SORCS2: variants seen among roughly 807,000 people sequenced by gnomAD.
SORCS2 encodes the protein sortilin related VPS10 domain containing receptor 2, also known as VPS10 domain-containing receptor SorCS2.
A neutral mutation model predicts 141.6 loss-of-function variants in SORCS2; 100 were observed. That is an observed-to-expected ratio of 0.71 (90% CI 0.60 to 0.83). The LOEUF (loss-of-function observed/expected upper bound fraction) is 0.83, where lower values mean the gene tolerates loss of function less well. Among genes scored for constraint, SORCS2 ranks in the 40% least tolerant of loss-of-function variants. The pLI is 0.00. For missense variants in SORCS2, 1,646 were observed against 1,560.2 expected (o/e 1.05, Z -0.93); for synonymous variants, 789 against 676.9 (o/e 1.17, Z -2.57).
intron 1 of SORCS2, among the ~76,000 whole-genome samples, chr4:7,395,116 T>C (rs527746436): frequency 6.6e-6 from 1 of 152,340 alleles, no homozygotes; most frequent in East Asian, 1.9e-4. Context: ...AGGCCTCGCT[T>C]TTTTAAATCA....
intron 26 of SORCS2, 63 bp from the exon 27 acceptor site, chr4:7,740,137 C>A: frequency 6.9e-7 from 1 of 1,441,006 alleles, no homozygotes; most frequent in Non-Finnish European, 9.5e-7. Context: ...ACCGTGTCCC[C>A]TGTGGCCCTG....
intron 5 of SORCS2, among the ~76,000 whole-genome samples, chr4:7,657,094 A>G (rs1179323902): frequency 6.6e-6 from 1 of 152,218 alleles, no homozygotes; most frequent in African/African-American, 2.4e-5. Flanking sequence ...AAAACCTATG[A>G]CTGAGGGGCC....
chr4:7,417,289 G>A (rs753235774), intron 2 of SORCS2, among the ~76,000 whole-genome samples: 1 of 152,156 alleles, frequency 6.6e-6, no homozygotes, highest in Non-Finnish European at 1.5e-5. Context: ...CTGAGAGATG[G>A]CAGCGCCAGG....
chr4:7,724,998 AGTG>A (rs988184230), intron 19 of SORCS2, among the ~76,000 whole-genome samples, 153 bp from the exon 20 acceptor site: 38 of 118,358 alleles, frequency 3.2e-4, no homozygotes, highest in Non-Finnish European at 3.5e-4. Flanking sequence ...TGGTGGTAGT[AGTG>A]GTGATGGTGG....
At chr4:7,333,440 T>C (rs1326481453) in intron 1 of SORCS2, among the ~76,000 whole-genome samples, 1 of 152,186 alleles carries the variant, frequency 6.6e-6, no homozygotes, top group Non-Finnish European at 1.5e-5. Flanking sequence ...TCTGCTCTGT[T>C]GTGGGGGTGT....
chr4:7,444,951 C>A (rs73212529), intron 2 of SORCS2, among the ~76,000 whole-genome samples: 20,936 of 152,274 alleles, frequency 0.14, 1,750 homozygotes, highest in Admixed American at 0.22. Flanking sequence ...GAGGAGGCGA[C>A]CCAGGCAGGC....
chr4:7,423,011 C>G (rs1460377432), intron 2 of SORCS2, among the ~76,000 whole-genome samples: 2 of 148,706 alleles, frequency 1.3e-5, no homozygotes, highest in Non-Finnish European at 3.0e-5. Context: ...CCCCACCCCT[C>G]TCTCCACTTC....
At chr4:7,349,512 G>A (rs948407488) in intron 1 of SORCS2, among the ~76,000 whole-genome samples, 6 of 152,080 alleles carry the variant, frequency 3.9e-5, no homozygotes, top group Non-Finnish European at 7.4e-5. Flanking sequence ...TCATGGGGCA[G>A]GGGGCTGGGT....
At chr4:7,245,934 A>G (rs1713050136) in intron 1 of SORCS2, among the ~76,000 whole-genome samples, 1 of 152,180 alleles carries the variant, frequency 6.6e-6, no homozygotes, top group Admixed American at 6.5e-5. Context: ...GAGTAAATGC[A>G]ATGTTGCATG....
At chr4:7,734,061 G>A (rs1282484828) in intron 24 of SORCS2, among the ~76,000 whole-genome samples, 1 of 151,866 alleles carries the variant, frequency 6.6e-6, no homozygotes, top group Non-Finnish European at 1.5e-5. Context: ...GACAGGAAGA[G>A]GTCAAGCCGG....
At chr4:7,431,287 C>T (rs942027657) in intron 2 of SORCS2, 1 of 152,212 alleles carries the variant, frequency 6.6e-6, no homozygotes, top group Non-Finnish European at 1.5e-5. Flanking sequence ...GTGGGGACAC[C>T]CCACCCTGAC....
intron 2 of SORCS2, among the ~76,000 whole-genome samples, chr4:7,409,050 A>G (rs1725144487): frequency 6.6e-6 from 1 of 152,234 alleles, no homozygotes; most frequent in Non-Finnish European, 1.5e-5. Context: ...CTCACGTATC[A>G]TCATCTCATT....
chr4:7,694,675 T>G (rs528602345), intron 11 of SORCS2, among the ~76,000 whole-genome samples: 61 of 152,318 alleles, frequency 4.0e-4, no homozygotes, highest in African/African-American at 1.3e-3. Flanking sequence ...CCCTGCTGCT[T>G]CTTCTGTTCA....
At chr4:7,421,042 C>T (rs545959747) in intron 2 of SORCS2, among the ~76,000 whole-genome samples, 89 of 152,280 alleles carry the variant, frequency 5.8e-4, no homozygotes, top group Middle Eastern at 3.4e-3. Flanking sequence ...GATGGAGACC[C>T]GGGCCTGGTT....
intron 1 of SORCS2, among the ~76,000 whole-genome samples, chr4:7,366,310 C>T (rs980177118): frequency 1.3e-5 from 2 of 152,002 alleles, no homozygotes; most frequent in African/African-American, 4.8e-5. Context: ...AGTAGTGGCT[C>T]CACCTGGCCT....
At chr4:7,334,888 C>G (rs1247617266) in intron 1 of SORCS2, among the ~76,000 whole-genome samples, 1 of 151,926 alleles carries the variant, frequency 6.6e-6, no homozygotes, top group Non-Finnish European at 1.5e-5. Context: ...GTGAGAACAG[C>G]GAGTGTCAGT....
intron 3 of SORCS2, among the ~76,000 whole-genome samples, chr4:7,580,424 C>T (rs184591033): frequency 4.0e-4 from 60 of 151,590 alleles, no homozygotes; most frequent in Admixed American, 2.5e-3. Context: ...TGGGAGGCGG[C>T]GGTTGCAAAG....
intron 14 of SORCS2, among the ~76,000 whole-genome samples, chr4:7,706,404 T>C (rs868348820): frequency 1.3e-3 from 103 of 79,214 alleles, no homozygotes; most frequent in Non-Finnish European, 1.6e-3. Flanking sequence ...GGCTGGGCTC[T>C]GCCTGGACAG....
intron 3 of SORCS2, among the ~76,000 whole-genome samples, chr4:7,576,102 G>C (rs1004740893): frequency 2.6e-5 from 4 of 152,208 alleles, no homozygotes; most frequent in Non-Finnish European, 4.4e-5. Context: ...AGCTCCAATG[G>C]CAGAGTGTTC....
Sources: allele counts gnomAD v4.1 joint callset (sites outside exome capture counted in the v4.1 genomes callset), GRCh38; gene constraint gnomAD v4.1.1; transcripts MANE v1.5; gene names NCBI Gene and HGNC (gene_info 2026-07-23, HGNC 2026-07-21).